The following MDGA2 variants were observed in gnomAD, a reference collection of about 807,000 sequenced individuals.
MDGA2 encodes MAM domain containing glycosylphosphatidylinositol anchor 2, also known as MAM domain-containing glycosylphosphatidylinositol anchor protein 2.
A neutral mutation model predicts 117.8 loss-of-function variants in MDGA2; 40 were observed. That is an observed-to-expected ratio of 0.34 (90% CI 0.26 to 0.44). The LOEUF (loss-of-function observed/expected upper bound fraction) is 0.44. MDGA2 is among the 20% of genes least tolerant of loss of function. The probability of loss-of-function intolerance (pLI) is 1.00; values close to 1 mark genes in which losing one functional copy is unlikely to be tolerated. For missense variants in MDGA2, 1,123 were observed against 1,250.6 expected (o/e 0.90, Z 1.54); for synonymous variants, 452 against 439.0 (o/e 1.03, Z -0.37).
chr14:47,521,567 C>T (rs932797627), intron 1 of MDGA2, among the ~76,000 whole-genome samples: 13 of 152,134 alleles, frequency 8.5e-5, no homozygotes, highest in Non-Finnish European at 1.9e-4. Flanking sequence ...ATGGTAGGAG[C>T]TCAATATGAG....
At chr14:47,142,444 AAAACAAACAAAC>A (rs150897627) in intron 4 of MDGA2, among the ~76,000 whole-genome samples, 137 of 150,818 alleles carry the variant, frequency 9.1e-4, no homozygotes, top group Admixed American at 1.1e-3. Flanking sequence ...CTCCATCTCA[AAAACAAACAAAC>A]AAACAAACAA....
At chr14:47,121,912 GA>G (rs1881671645) in intron 5 of MDGA2, among the ~76,000 whole-genome samples, 1 of 151,936 alleles carries the variant, frequency 6.6e-6, no homozygotes, top group African/African-American at 2.4e-5. Context: ...TAATTTTTAA[GA>G]AATAATCATG....
intron 1 of MDGA2, among the ~76,000 whole-genome samples, chr14:47,420,464 T>C (rs531068293): frequency 6.6e-6 from 1 of 152,194 alleles, no homozygotes; most frequent in South Asian, 2.1e-4. Context: ...TTAATTAACT[T>C]GAAGATAGCA....
chr14:47,025,014 C>T (rs1888421957), intron 8 of MDGA2, among the ~76,000 whole-genome samples: 1 of 151,998 alleles, frequency 6.6e-6, no homozygotes, highest in Admixed American at 6.6e-5. Context: ...ACAGGCACAG[C>T]AGTTCACAAA....
At chr14:47,478,503 G>A (rs1425025693) in intron 1 of MDGA2, among the ~76,000 whole-genome samples, 1 of 151,770 alleles carries the variant, frequency 6.6e-6, no homozygotes, top group Non-Finnish European at 1.5e-5. Flanking sequence ...AGCCTCCTGA[G>A]AGCTGGGACT....
chr14:47,424,626 A>T (rs117591795), intron 1 of MDGA2, among the ~76,000 whole-genome samples: 1 of 152,282 alleles, frequency 6.6e-6, no homozygotes, highest in Non-Finnish European at 1.5e-5. Flanking sequence ...TTATTATTTA[A>T]GCAAACAGTG....
chr14:47,236,636 A>T (rs1242606623), intron 2 of MDGA2, among the ~76,000 whole-genome samples: 1 of 152,210 alleles, frequency 6.6e-6, no homozygotes, highest in Non-Finnish European at 1.5e-5. Context: ...CCCATAAGTG[A>T]TTGCTAAATA....
At chr14:46,917,278 C>T (rs941345518) in intron 10 of MDGA2, among the ~76,000 whole-genome samples, 15 of 152,186 alleles carry the variant, frequency 9.9e-5, no homozygotes, top group African/African-American at 2.7e-4. Flanking sequence ...TACACATGCT[C>T]AGCTCATGAA....
chr14:46,931,761 G>A (rs1362698207), intron 9 of MDGA2, among the ~76,000 whole-genome samples: 2 of 152,052 alleles, frequency 1.3e-5, no homozygotes, highest in Non-Finnish European at 2.9e-5. Context: ...GACCTCAGGT[G>A]ATCCACCAGC....
chr14:47,124,846 A>T (rs974213277), intron 5 of MDGA2, among the ~76,000 whole-genome samples: 12 of 152,072 alleles, frequency 7.9e-5, no homozygotes, highest in Non-Finnish European at 1.5e-4. Flanking sequence ...GCAAGCCAAG[A>T]AAATAGCCTT....
chr14:46,887,015 C>A (rs1312482920), intron 10 of MDGA2, among the ~76,000 whole-genome samples: 1 of 152,118 alleles, frequency 6.6e-6, no homozygotes, highest in East Asian at 1.9e-4. Flanking sequence ...AAAGCATCTC[C>A]TCTCCCACAT....
chr14:47,562,819 A>G (rs1408640372), intron 1 of MDGA2, among the ~76,000 whole-genome samples: 2 of 151,772 alleles, frequency 1.3e-5, no homozygotes, highest in Non-Finnish European at 1.5e-5. Flanking sequence ...TTGTGATGTT[A>G]GGTTGTTAAT....
intron 1 of MDGA2, among the ~76,000 whole-genome samples, chr14:47,603,951 C>T (rs1303751853): frequency 6.6e-6 from 1 of 152,162 alleles, no homozygotes; most frequent in Non-Finnish European, 1.5e-5. Flanking sequence ...TGCCTGCTCC[C>T]TCTTCACCTT....
At chr14:46,870,948 G>A (rs1011621556) in intron 14 of MDGA2, 8 of 151,842 alleles carry the variant, frequency 5.3e-5, no homozygotes, top group Admixed American at 4.6e-4. Context: ...TATTGGTCTT[G>A]GAAATATTTA....
intron 1 of MDGA2, among the ~76,000 whole-genome samples, chr14:47,422,120 T>C (rs1403174919): frequency 6.6e-6 from 1 of 152,174 alleles, no homozygotes; most frequent in East Asian, 1.9e-4. Context: ...TTTCTGATTT[T>C]TATTTCCAAA....
intron 2 of MDGA2, among the ~76,000 whole-genome samples, chr14:47,277,344 C>G (rs186718040): frequency 6.2e-4 from 94 of 152,234 alleles, no homozygotes; most frequent in African/African-American, 2.2e-3. Flanking sequence ...AACAAGACAT[C>G]CTTCTATTTT....
intron 3 of MDGA2, among the ~76,000 whole-genome samples, chr14:47,183,457 T>C (rs1884789532): frequency 6.6e-6 from 1 of 152,154 alleles, no homozygotes; most frequent in Admixed American, 6.6e-5. Flanking sequence ...ACAATGTTCA[T>C]ATGTTTTAAT....
At chr14:47,384,590 T>G (rs1466709041) in intron 1 of MDGA2, among the ~76,000 whole-genome samples, 2 of 152,084 alleles carry the variant, frequency 1.3e-5, no homozygotes, top group African/African-American at 4.8e-5. Context: ...CCCAGTATAT[T>G]TCATACTTTT....
chr14:47,098,883 A>T (rs1880138175), intron 5 of MDGA2, among the ~76,000 whole-genome samples: 1 of 152,006 alleles, frequency 6.6e-6, no homozygotes, highest in African/African-American at 2.4e-5. Context: ...TGATTTGTAT[A>T]GGATGAGTTG....
Sources: gnomAD v4.1 joint callset for allele counts (sites outside exome capture counted in the v4.1 genomes callset) on GRCh38, gnomAD v4.1.1 for gene constraint, MANE v1.5 for transcripts, NCBI Gene and HGNC (gene_info 2026-07-23, HGNC 2026-07-21) for gene names.